TYR: variants seen among roughly 807,000 people sequenced by gnomAD.
TYR encodes tyrosinase.
Under a neutral mutation model 51.5 loss-of-function variants are expected in TYR, and 58 were observed. The observed-to-expected ratio is 1.13, with a 90% CI of 0.91 to 1.40. TYR has a LOEUF of 1.40. Ranked by LOEUF, TYR falls within the 40% of genes most tolerant of loss-of-function variation. The pLI is 0.00. For missense variants in TYR, 732 were observed against 647.4 expected, an observed-to-expected ratio of 1.13 and a Z score of -1.42; for synonymous variants, 263 against 235.2, an observed-to-expected ratio of 1.12 and a Z score of -1.08.
At chr11:89,203,750 C>G (rs770081031) in intron 2 of TYR, among the ~76,000 whole-genome samples, 20 of 151,928 alleles carry the variant, frequency 1.3e-4, no homozygotes, top group Non-Finnish European at 2.5e-4. Flanking sequence ...GAGGTACAAA[C>G]AAAAGTAAAA....
intron 4 of TYR, among the ~76,000 whole-genome samples, chr11:89,288,659 C>T (rs2135327237): frequency 6.6e-6 from 1 of 152,064 alleles, no homozygotes; most frequent in Admixed American, 6.6e-5. Context: ...ACAGCAGATA[C>T]TTGGGAGGCT....
chr11:89,214,070 G>A (rs1402344807), intron 2 of TYR, among the ~76,000 whole-genome samples: 1 of 152,118 alleles, frequency 6.6e-6, no homozygotes, highest in Non-Finnish European at 1.5e-5. Context: ...GGCAACAAAA[G>A]CCAAAATTGA....
At chr11:89,268,045 C>T (rs1202251849) in intron 3 of TYR, among the ~76,000 whole-genome samples, 2 of 151,936 alleles carry the variant, frequency 1.3e-5, no homozygotes, top group Admixed American at 1.3e-4. Context: ...ATTTAGACTG[C>T]AGGTTTCAAA....
At chr11:89,279,099 T>C (rs1471557217) in intron 3 of TYR, among the ~76,000 whole-genome samples, 2 of 151,598 alleles carry the variant, frequency 1.3e-5, no homozygotes, top group Non-Finnish European at 3.0e-5. Flanking sequence ...GTATGGTGCC[T>C]TGTGATGCTG....
chr11:89,190,853 G>A (rs1943433934), intron 1 of TYR, among the ~76,000 whole-genome samples: 1 of 152,036 alleles, frequency 6.6e-6, no homozygotes, highest in Non-Finnish European at 1.5e-5. Context: ...GATAGGTTTA[G>A]ATGTATAGAT....
At chr11:89,188,795 GT>G (rs1943407445) in intron 1 of TYR, among the ~76,000 whole-genome samples, 1 of 151,938 alleles carries the variant, frequency 6.6e-6, no homozygotes, top group Admixed American at 6.6e-5. Flanking sequence ...AAAATAACCA[GT>G]ACAGGAACAT....
In TYR at chr11:89,253,081, A is replaced by G. The variant is rs1443386673; in HGVS notation, c.1184+25111A>G. The stretch of plus-strand genomic sequence containing the variant: ...AGTCATACCTCCAAATTTAAACTTC[A>G]GAATTCTAACTTATTTCAGCTGGAT... On this transcript the variant is annotated intron_variant, in intron 3 of 4. Coordinates refer to ENST00000263321, the MANE Select transcript of TYR (RefSeq NM_000372.5). Among the ~76,000 whole-genome samples, 5 of 151,886 alleles carry G rather than the reference A, an allele frequency of 3.3e-5. No individual in the cohort carries two copies. In the East Asian group the frequency reaches 9.7e-4, roughly 29 times the overall value.
intron 3 of TYR, among the ~76,000 whole-genome samples, chr11:89,264,747 A>C (rs1008580681): frequency 7.3e-5 from 11 of 150,618 alleles, no homozygotes; most frequent in Non-Finnish European, 1.5e-4. Context: ...AAAAAAAAAA[A>C]CAAACAAACA....
At chr11:89,219,168 T>A (rs1458371936) in intron 2 of TYR, among the ~76,000 whole-genome samples, 3 of 152,108 alleles carry the variant, frequency 2.0e-5, no homozygotes, top group Admixed American at 6.6e-5. Flanking sequence ...TAGCCCTATA[T>A]AGAAGCCAAA....
chr11:89,231,804 TA>T (rs1944054323), intron 3 of TYR, among the ~76,000 whole-genome samples: 1 of 140,952 alleles, frequency 7.1e-6, no homozygotes. Flanking sequence ...GGCAACACAG[TA>T]AAACCCCATT....
In TYR at chr11:89,279,711, T is replaced by C. The variant is rs188039525; in HGVS notation, c.1185-5062T>C. On this transcript the variant is annotated intron_variant, in intron 3 of 4. Transcript: ENST00000263321. ...CACACCTCTATCACCCAAAAAGGGC[T>C]ATGCTATTAACATAACTTACCATTG... Among the ~76,000 whole-genome samples, 159 of 151,808 alleles carry C rather than the reference T, an allele frequency of 1.0e-3. 1 individual carries two copies. The highest frequency in any genetic ancestry group is 3.7e-3 in the African/African-American group (152 of 41,476).
At position 89,250,299 on chromosome 11, in the gene TYR, C is replaced by T. The variant is rs552438713; in HGVS notation, c.1184+22329C>T. On this transcript the variant is annotated intron_variant, in intron 3 of 4. Coordinates refer to ENST00000263321, the MANE Select transcript of TYR (RefSeq NM_000372.5). ...CCTTAAAAATGAATATTAATTATTT[C>T]CTTTTTTAAAGTCTGAAGGCGGAGG... Among the ~76,000 whole-genome samples the T allele has an allele frequency of 6.2e-4, 94 of 151,954 alleles. No individual in the cohort carries two copies. In the South Asian group the frequency reaches 0.012, roughly 19 times the overall value.
chr11:89,207,147 A>C (rs556015799), intron 2 of TYR, among the ~76,000 whole-genome samples: 1 of 152,112 alleles, frequency 6.6e-6, no homozygotes, highest in African/African-American at 2.4e-5. Context: ...AGTGAAATTA[A>C]AAACAGGAAT....
rs1480872098 is a variant in TYR at position 89,232,536 on chromosome 11, G to A, written c.1184+4566G>A. 2.1e-5 allele frequency among the ~76,000 whole-genome samples: 3 copies of A among 141,588 alleles called. 1 individual carries two copies. The highest frequency in any genetic ancestry group is 5.7e-5 in the African/African-American group (2 of 35,340). The allele number at this position is 141,588 out of a possible 152,430, so 92.9% of individuals were successfully genotyped here. ...ATAAAGATGGGAGCCATAGATATTG[G>A]GAACTACTAGAGTGAAGAGAGAAGG... is the stretch of plus-strand genomic sequence containing the variant. On this transcript the variant is annotated intron_variant, in intron 3 of 4. Transcript: ENST00000263321.
intron 3 of TYR, among the ~76,000 whole-genome samples, chr11:89,230,890 G>T (rs1477412006): frequency 7.0e-6 from 1 of 143,742 alleles, no homozygotes; most frequent in Non-Finnish European, 1.5e-5. Context: ...AGGACAAGAA[G>T]TATTAGAGAC....
chr11:89,242,257 G>A (rs938966296), intron 3 of TYR, among the ~76,000 whole-genome samples: 4 of 152,074 alleles, frequency 2.6e-5, no homozygotes, highest in Non-Finnish European at 2.9e-5. Flanking sequence ...GTCCAGGCTG[G>A]AGTGCAGTGG....
At chr11:89,256,465 ATATG>A (rs984585952) in intron 3 of TYR, among the ~76,000 whole-genome samples, 182 of 108,222 alleles carry the variant, frequency 1.7e-3, no homozygotes, top group African/African-American at 0.012. Flanking sequence ...GTACTTGTGT[ATATG>A]TGTGTGTGTG....
intron 3 of TYR, among the ~76,000 whole-genome samples, chr11:89,260,225 A>T (rs1944440632): frequency 6.6e-6 from 1 of 151,598 alleles, no homozygotes; most frequent in South Asian, 2.1e-4. Context: ...TTCCATTGAG[A>T]GTAGCCACTT....
intron 2 of TYR, among the ~76,000 whole-genome samples, chr11:89,192,506 T>A (rs755728951): frequency 1.6e-4 from 25 of 152,204 alleles, no homozygotes; most frequent in Non-Finnish European, 2.4e-4. Flanking sequence ...GTTCTTTTTT[T>A]TTCCTTTTTG....
Sources: allele counts gnomAD v4.1 joint callset (sites outside exome capture counted in the v4.1 genomes callset), GRCh38; gene constraint gnomAD v4.1.1; transcripts MANE v1.5; gene names NCBI Gene and HGNC (gene_info 2026-07-23, HGNC 2026-07-21).